The following RASSF5 variants were observed in gnomAD, a reference collection of about 807,000 sequenced individuals.
RASSF5 encodes ras association domain-containing protein 5.
RASSF5 carries 25 observed loss-of-function variants against 40.5 expected under a neutral mutation model. The ratio of observed to expected loss-of-function variants is 0.62; its 90% confidence interval spans 0.45 to 0.86. RASSF5 has a LOEUF of 0.86. RASSF5 is among the 40% of genes least tolerant of loss of function. The pLI, the probability that RASSF5 is intolerant of heterozygous loss-of-function variation, is 0.00. For synonymous variants in RASSF5, 246 were observed against 252.4 expected, an observed-to-expected ratio of 0.97 and a Z score of 0.24; for missense variants, 521 against 572.8, an observed-to-expected ratio of 0.91 and a Z score of 0.92.
intron 2 of RASSF5, among the ~76,000 whole-genome samples, chr1:206,574,468 G>A (rs940262927): frequency 4.6e-5 from 7 of 152,144 alleles, no homozygotes; most frequent in Non-Finnish European, 8.8e-5. Flanking sequence ...TCTGCTCTAC[G>A]TTTTTGTCTT....
At chr1:206,524,649 T>C (rs1012100217) in intron 1 of RASSF5, among the ~76,000 whole-genome samples, 1 of 130,464 alleles carries the variant, frequency 7.7e-6, no homozygotes, top group African/African-American at 3.1e-5. Context: ...ATATATATTA[T>C]ATATTATGTA....
At chr1:206,564,517 C>T (rs1668231207) in intron 2 of RASSF5, among the ~76,000 whole-genome samples, 1 of 152,192 alleles carries the variant, frequency 6.6e-6, no homozygotes, top group Admixed American at 6.5e-5. Flanking sequence ...AGTATCAAAC[C>T]TTGAATCCCA....
intron 1 of RASSF5, among the ~76,000 whole-genome samples, chr1:206,534,686 C>A (rs530426162): frequency 1.3e-5 from 2 of 152,188 alleles, no homozygotes; most frequent in Non-Finnish European, 2.9e-5. Context: ...CTGCTTTGGG[C>A]TGTCTCTGTT....
intron 1 of RASSF5, among the ~76,000 whole-genome samples, chr1:206,521,396 A>G (rs537545648): frequency 6.6e-6 from 1 of 152,308 alleles, no homozygotes; most frequent in African/African-American, 2.4e-5. Flanking sequence ...TGGAAAAACC[A>G]GTTGGATGTA....
chr1:206,525,010 G>T (rs989815195), intron 1 of RASSF5, among the ~76,000 whole-genome samples: 3 of 151,980 alleles, frequency 2.0e-5, no homozygotes, highest in African/African-American at 7.3e-5. Flanking sequence ...TGGGTGCCTG[G>T]CAGGCACTCC....
intron 1 of RASSF5, among the ~76,000 whole-genome samples, chr1:206,512,883 C>A (rs1362962587): frequency 6.6e-6 from 1 of 152,214 alleles, no homozygotes; most frequent in Non-Finnish European, 1.5e-5. Flanking sequence ...TGTTTTCATG[C>A]CCGCTGCTAC....
intron 2 of RASSF5, among the ~76,000 whole-genome samples, chr1:206,580,131 C>T (rs989186774): frequency 7.2e-5 from 11 of 152,146 alleles, no homozygotes; most frequent in Non-Finnish European, 1.2e-4. Flanking sequence ...CGTCACTTCC[C>T]CGCGTTTGTG....
chr1:206,583,882 T>A (rs1238356166), intron 3 of RASSF5, among the ~76,000 whole-genome samples: 1 of 152,162 alleles, frequency 6.6e-6, no homozygotes, highest in Non-Finnish European at 1.5e-5. Context: ...ATCAGCTGGC[T>A]CTTTGGGGTT....
rs1668781745 is a variant in RASSF5 at position 206,579,397 on chromosome 1, T to C, written c.580-3872T>C. Reference sequence around the variant, plus strand: ...ACTGTCTGCTTGGTTTCTCGCTTTGTACCCGTGGACAGATCCTTAAGAATC... The same window carrying C: ...ACTGTCTGCTTGGTTTCTCGCTTTGCACCCGTGGACAGATCCTTAAGAATC... On this transcript the variant is annotated intron_variant, in intron 2 of 5. Transcript: ENST00000579436. The surrounding 1 kb of genome is among the most constrained non-coding windows in gnomAD (Gnocchi z 4.2). Among the ~76,000 whole-genome samples the C allele has an allele frequency of 6.6e-6, 1 of 152,252 alleles. No individual in the cohort carries two copies. Among genetic ancestry groups the C allele is most frequent in the African/African-American group, 2.4e-5 (1 of 41,468 alleles).
chr1:206,520,855 G>A (rs545788105), intron 1 of RASSF5, among the ~76,000 whole-genome samples: 1 of 152,302 alleles, frequency 6.6e-6, no homozygotes, highest in East Asian at 1.9e-4. Context: ...GTTGCTGAGT[G>A]CTCCCAGGAA....
chr1:206,584,828 C>A lies in RASSF5; in HGVS notation c.988+144C>A. The A allele has an allele frequency of 2.3e-6, 2 of 851,734 alleles. No homozygotes were observed. Among genetic ancestry groups the A allele is most frequent in the South Asian group, 1.7e-5 (1 of 58,070 alleles). The allele number at this position is 851,734 out of a possible 1,614,324, so 52.8% of individuals were successfully genotyped here. On this transcript the variant is annotated intron_variant, in intron 4 of 5. Coordinates refer to ENST00000579436, the MANE Select transcript of RASSF5 (RefSeq NM_182663.4). The surrounding 1 kb of genome is among the most constrained non-coding windows in gnomAD (Gnocchi z 4.9). ...CCAGCTGCCCATGTGGTGTTCAGAT[C>A]TGTGGAATCCGGGCAGGGAGGCAAG...
rs1481968730 is a variant in RASSF5, at chr1:206,588,162, G to A, written c.*1184G>A. 6.5e-6 allele frequency: 1 copy of A among 152,846 alleles called. No individual in the cohort carries two copies. Among genetic ancestry groups the A allele is most frequent in the Non-Finnish European group, 1.5e-5 (1 of 68,098 alleles). 9.5% of individuals were successfully genotyped at this position (152,846 alleles called of 1,614,324 possible). ...GTTTTCAGAGAGAAATAGGAGTAGGGCGAGTTTGCCTGAAGCTCTGCTGCT... is the reference window on the plus strand; with the variant it reads ...GTTTTCAGAGAGAAATAGGAGTAGGACGAGTTTGCCTGAAGCTCTGCTGCT... On this transcript the variant is annotated 3_prime_UTR_variant, in exon 6 of 6. Coordinates refer to ENST00000579436, the MANE Select transcript of RASSF5 (RefSeq NM_182663.4).
chr1:206,554,642 C>T (rs1553401506), intron 2 of RASSF5, among the ~76,000 whole-genome samples: 1 of 152,166 alleles, frequency 6.6e-6, no homozygotes, highest in African/African-American at 2.4e-5. Flanking sequence ...CAGACTCTTC[C>T]ATGCCCCCTC....
At chr1:206,528,251 AAGAC>A (rs1173844701) in intron 1 of RASSF5, among the ~76,000 whole-genome samples, 1 of 152,174 alleles carries the variant, frequency 6.6e-6, no homozygotes, top group Non-Finnish European at 1.5e-5. Flanking sequence ...ATTAAAAAAA[AAGAC>A]AGGGAGATAA....
rs143824222 is a variant in RASSF5, at chr1:206,546,126, T to TGGGG, written c.579+7836_579+7837insGGGG. Among the ~76,000 whole-genome samples, 36 of 90,452 alleles carry TGGGG rather than the reference T, an allele frequency of 4.0e-4. 3 individuals are homozygous for TGGGG. Among genetic ancestry groups the TGGGG allele is most frequent in the African/African-American group, 1.5e-3 (36 of 24,750 alleles). The allele number at this position is 90,452 out of a possible 152,430, so 59.3% of individuals were successfully genotyped here. A position where few individuals can be genotyped will look rare whatever the true frequency, so the allele number is the denominator to read the frequency against. On this transcript the variant is annotated intron_variant, in intron 2 of 5. Coordinates refer to ENST00000579436, the MANE Select transcript of RASSF5 (RefSeq NM_182663.4). ...TTTTTTTTTTTTTTTTTTTTTTTTT[T>TGGGG]GGGACAGGATCTCATTCGGTCACCC... is the stretch of plus-strand genomic sequence containing the variant.
chr1:206,565,399 C>T (rs1018087647), intron 2 of RASSF5, among the ~76,000 whole-genome samples: 9 of 152,200 alleles, frequency 5.9e-5, no homozygotes, highest in South Asian at 2.1e-4. Flanking sequence ...CCTTTCCTTC[C>T]GGAGTGAAGC....
Position 206,552,566 on chromosome 1 carries a change from G to C in RASSF5, c.579+14273G>C, listed in dbSNP as rs963288342. On this transcript the variant is annotated intron_variant, in intron 2 of 5. Coordinates refer to ENST00000579436, the MANE Select transcript of RASSF5 (RefSeq NM_182663.4). This position sits in a 1 kb window ranked among gnomAD's most constrained non-coding sequence, Gnocchi z 4.1. ...CTGTTGGCTGGGTGTGCACCGTGAA[G>C]GGTCTTGAAGGACCTGCTCAAGAGT... Among the ~76,000 whole-genome samples, 1 of 152,186 alleles carries C rather than the reference G, an allele frequency of 6.6e-6. No individual in the cohort carries two copies. The highest frequency in any genetic ancestry group is 1.5e-5 in the Non-Finnish European group (1 of 68,028).
rs1668806456 is a variant in RASSF5 at position 206,579,998 on chromosome 1, G to C, written c.580-3271G>C. ...ATTCGTAGTGTTGGCTACACACGGG[G>C]CTCCTGGCACTCCCAGACAGGGCTT... On this transcript the variant is annotated intron_variant, in intron 2 of 5. Transcript: ENST00000579436. This position sits in a 1 kb window ranked among gnomAD's most constrained non-coding sequence, Gnocchi z 4.2. Among the ~76,000 whole-genome samples, 1 of 152,224 alleles carries C rather than the reference G, an allele frequency of 6.6e-6. No homozygotes were observed. Among genetic ancestry groups the C allele is most frequent in the Non-Finnish European group, 1.5e-5 (1 of 68,038 alleles).
rs1359078921 is a variant in RASSF5 at position 206,507,570 on chromosome 1, C to T, written c.-33C>T. On this transcript the variant is annotated 5_prime_UTR_variant, in exon 1 of 6. Coordinates refer to ENST00000579436, the MANE Select transcript of RASSF5 (RefSeq NM_182663.4). ...TCGGGAGTAGCGCAGTCGCCAAAGC[C>T]GCCGCTGCCAAAGCTGCCGCCACTA... 4.1e-6 allele frequency: 6 copies of T among 1,453,198 alleles called. No individual in the cohort carries two copies. Among genetic ancestry groups the T allele is most frequent in the East Asian group, 3.0e-5 (1 of 33,490 alleles). 90.0% of individuals were successfully genotyped at this position (1,453,198 alleles called of 1,614,324 possible). A position where few individuals can be genotyped will look rare whatever the true frequency, so the allele number is the denominator to read the frequency against.
Sources: allele counts gnomAD v4.1 joint callset (sites outside exome capture counted in the v4.1 genomes callset), GRCh38; gene constraint gnomAD v4.1.1; non-coding constraint Gnocchi (gnomAD v3.1); transcripts MANE v1.5; gene names NCBI Gene and HGNC (gene_info 2026-07-23, HGNC 2026-07-21).